LRRC37A: variants seen among roughly 807,000 people sequenced by gnomAD.
LRRC37A encodes the protein leucine rich repeat containing 37A.
LRRC37A carries 3 observed loss-of-function variants against 35.4 expected under a neutral mutation model. The ratio of observed to expected loss-of-function variants is 0.08; its 90% CI spans 0.04 to 0.22. The LOEUF is 0.22. LRRC37A is among the 10% of genes least tolerant of loss of function. The pLI, the probability that LRRC37A is intolerant of heterozygous loss-of-function variation, is 1.00. For missense variants in LRRC37A, 67 were observed against 565.3 expected (o/e 0.12, Z 8.94); for synonymous variants, 23 against 215.0 (o/e 0.11, Z 7.81).
chr17:46,272,685 G>A, the LRRC37A span, among the ~76,000 whole-genome samples: 183 of 152,330 alleles, frequency 1.2e-3, no homozygotes, highest in African/African-American at 4.2e-3. Flanking sequence ...CAAAGTGCTG[G>A]GGTTACAGGC....
chr17:46,269,533 A>G, the LRRC37A span, among the ~76,000 whole-genome samples: 1 of 152,098 alleles, frequency 6.6e-6, no homozygotes, highest in East Asian at 1.9e-4. Context: ...AAAAACAAAC[A>G]AAGTGTACAA....
chr17:46,258,355 C>T, the LRRC37A span, among the ~76,000 whole-genome samples: 4 of 152,102 alleles, frequency 2.6e-5, no homozygotes, highest in Non-Finnish European at 4.4e-5. Flanking sequence ...GGATTACAGG[C>T]GTGTGCCACT....
At chr17:46,276,445 G>T in the LRRC37A span, among the ~76,000 whole-genome samples, 1 of 152,138 alleles carries the variant, frequency 6.6e-6, no homozygotes, top group African/African-American at 2.4e-5. Context: ...GTAATCACAA[G>T]GTACAATAAA....
the LRRC37A span, among the ~76,000 whole-genome samples, chr17:46,286,564 T>C: frequency 4.6e-5 from 7 of 152,172 alleles, no homozygotes; most frequent in African/African-American, 1.7e-4. Context: ...GAATCAAATC[T>C]ACCATTAAAC....
chr17:46,259,500 T>C, the LRRC37A span: 1,569,399 of 1,588,602 alleles, frequency 0.99, 777,883 homozygotes, highest in East Asian at 1. Flanking sequence ...TGGGGCCTGA[T>C]ACAGGCTCTG....
chr17:46,290,965 C>T (rs2050050627), upstream of LRRC37A, among the ~76,000 whole-genome samples: 1 of 152,236 alleles, frequency 6.6e-6, no homozygotes, highest in African/African-American at 2.4e-5. Flanking sequence ...TACATGACTA[C>T]CTCAGGAAGC....
chr17:46,262,654 C>T, the LRRC37A span, among the ~76,000 whole-genome samples: 1 of 152,054 alleles, frequency 6.6e-6, no homozygotes, highest in African/African-American at 2.4e-5. Flanking sequence ...GTGAGAATTC[C>T]CGTAACTTGT....
chr17:46,319,212 A>ATTTTTTTTTTTTTT (rs1225879085), intron 5 of LRRC37A, among the ~76,000 whole-genome samples: 1 of 1,640 alleles, frequency 6.1e-4, no homozygotes, highest in East Asian at 5.1e-3. Context: ...ATTGTGGTCA[A>ATTTTTTTTTTTTTT]TTTTTTTTTT....
the LRRC37A span, among the ~76,000 whole-genome samples, chr17:46,259,045 T>TTTTTTTTTTTTC: frequency 8.2e-6 from 1 of 122,184 alleles, no homozygotes; most frequent in Non-Finnish European, 1.6e-5. Flanking sequence ...TTTTTTTTTT[T>TTTTTTTTTTTTC]TTTTTTTTAC....
At chr17:46,259,668 C>A in the LRRC37A span, 4 of 1,609,282 alleles carry the variant, frequency 2.5e-6, 1 homozygote, top group South Asian at 4.4e-5. Context: ...CATGCCCATC[C>A]CGGCCATCTA....
the LRRC37A span, among the ~76,000 whole-genome samples, chr17:46,270,661 C>G: frequency 1.3e-5 from 2 of 152,224 alleles, no homozygotes; most frequent in Admixed American, 6.5e-5. Flanking sequence ...GTAATCCCAG[C>G]ACTTTGGGAG....
At chr17:46,270,854 C>A in the LRRC37A span, among the ~76,000 whole-genome samples, 1 of 152,188 alleles carries the variant, frequency 6.6e-6, no homozygotes, top group Non-Finnish European at 1.5e-5. Context: ...GAGCCGAGAT[C>A]ATGCCACTGC....
chr17:46,251,680 G>A, the LRRC37A span, among the ~76,000 whole-genome samples: 1 of 151,000 alleles, frequency 6.6e-6, no homozygotes, highest in Non-Finnish European at 1.5e-5. Context: ...ATGGTATGAC[G>A]ACACTATTGA....
chr17:46,275,137 C>T, the LRRC37A span: 1 of 248,212 alleles, frequency 4.0e-6, no homozygotes. Flanking sequence ...GATGATCCGC[C>T]CGCCTTGGCC....
the LRRC37A span, among the ~76,000 whole-genome samples, chr17:46,252,596 A>G: frequency 1.3e-5 from 2 of 149,456 alleles, no homozygotes; most frequent in Non-Finnish European, 3.0e-5. Flanking sequence ...TGCTGCCTTC[A>G]AGCATCTGTT....
At chr17:46,262,585 C>T in the LRRC37A span, among the ~76,000 whole-genome samples, 20 of 152,256 alleles carry the variant, frequency 1.3e-4, no homozygotes, top group Non-Finnish European at 2.5e-4. Context: ...TTGTTCATTT[C>T]AGTCTATTCC....
chr17:46,277,155 T>C, the LRRC37A span, among the ~76,000 whole-genome samples: 1 of 152,234 alleles, frequency 6.6e-6, no homozygotes, highest in African/African-American at 2.4e-5. Context: ...TCAGCTCCCA[T>C]GTGCTTTATT....
At chr17:46,283,376 G>T in the LRRC37A span, among the ~76,000 whole-genome samples, 1 of 152,218 alleles carries the variant, frequency 6.6e-6, no homozygotes, top group Admixed American at 6.5e-5. Flanking sequence ...TCAAGGAAAG[G>T]CTGGGCCATC....
the LRRC37A span, among the ~76,000 whole-genome samples, chr17:46,255,832 C>T: frequency 2.6e-5 from 4 of 152,038 alleles, no homozygotes; most frequent in Non-Finnish European, 4.4e-5. Flanking sequence ...CCCGCCACCA[C>T]GCCTGGCTAA....
Sources: gnomAD v4.1 joint callset for allele counts (sites outside exome capture counted in the v4.1 genomes callset) on GRCh38, gnomAD v4.1.1 for gene constraint, MANE v1.5 for transcripts, NCBI Gene and HGNC (gene_info 2026-07-23, HGNC 2026-07-21) for gene names.